Variants in DLGAP2 observed in about 807,000 individuals in gnomAD.
DLGAP2 encodes DLG associated protein 2, also known as disks large-associated protein 2.
A neutral mutation model predicts 100.3 loss-of-function variants in DLGAP2; 26 were observed. The observed-to-expected ratio is 0.26, with a 90% CI of 0.19 to 0.36. The LOEUF (loss-of-function observed/expected upper bound fraction) is 0.36. Ranked by LOEUF, DLGAP2 falls within the 10% of genes least tolerant of loss-of-function variation. The probability of loss-of-function intolerance (pLI) is 1.00; values close to 1 mark genes in which losing one functional copy is unlikely to be tolerated. For missense variants in DLGAP2, 1,858 were observed against 1,453.2 expected, an observed-to-expected ratio of 1.28 and a Z score of -4.53; for synonymous variants, 886 against 630.1, an observed-to-expected ratio of 1.41 and a Z score of -6.08.
At chr8:880,246 A>C (rs1402220574) in intron 1 of DLGAP2, among the ~76,000 whole-genome samples, 1 of 151,878 alleles carries the variant, frequency 6.6e-6, no homozygotes, top group Admixed American at 6.6e-5. Flanking sequence ...ACATCCTCCT[A>C]ATCAATTTCT....
intron 2 of DLGAP2, among the ~76,000 whole-genome samples, chr8:999,933 T>C (rs1289713579): frequency 6.6e-6 from 1 of 150,548 alleles, no homozygotes; most frequent in Non-Finnish European, 1.5e-5. Flanking sequence ...GAGGTGGTTT[T>C]CTTTTGCACT....
chr8:1,478,780 G>A (rs1393951853), intron 3 of DLGAP2, among the ~76,000 whole-genome samples: 1 of 152,214 alleles, frequency 6.6e-6, no homozygotes. Flanking sequence ...GCATGTTGCT[G>A]GGAATGCCGG....
At chr8:810,572 A>C (rs1455267856) in intron 1 of DLGAP2, among the ~76,000 whole-genome samples, 2 of 152,260 alleles carry the variant, frequency 1.3e-5, no homozygotes, top group Non-Finnish European at 2.9e-5. Context: ...TTTATGAGAC[A>C]TGCTGTGCTG....
chr8:1,131,609 AC>A (rs1386938022), intron 2 of DLGAP2, among the ~76,000 whole-genome samples: 1 of 151,932 alleles, frequency 6.6e-6, no homozygotes, highest in East Asian at 1.9e-4. Flanking sequence ...GGACACGAAC[AC>A]CTGCTCCATA....
intron 2 of DLGAP2, among the ~76,000 whole-genome samples, chr8:1,081,732 T>C (rs929437303): frequency 2.0e-5 from 3 of 152,182 alleles, no homozygotes; most frequent in Non-Finnish European, 1.5e-5. Flanking sequence ...GAGTCTTTCC[T>C]ATAGGCAGGG....
At chr8:1,378,823 C>G (rs185126263) in intron 3 of DLGAP2, among the ~76,000 whole-genome samples, 145 of 152,304 alleles carry the variant, frequency 9.5e-4, no homozygotes, top group African/African-American at 3.4e-3. Flanking sequence ...CTTTCAAATC[C>G]TGATTCTCTT....
Position 1,124,279 on chromosome 8 carries a change from G to T in DLGAP2, c.74-134572G>T, listed in dbSNP as rs1478983358. Among the ~76,000 whole-genome samples the T allele has an allele frequency of 2.6e-5, 4 of 152,214 alleles. No individual in the cohort carries two copies. In the South Asian group the frequency reaches 6.2e-4, roughly 24 times the overall value. ...GCTAAGGAACTCGCCAAAGAGAAGA[G>T]CCTGGAAGCGGCTCCAGGGTTTCTG... On this transcript the variant is annotated intron_variant, in intron 2 of 14. Transcript: ENST00000637795.
intron 1 of DLGAP2, among the ~76,000 whole-genome samples, chr8:823,043 G>A (rs1796612605): frequency 6.6e-6 from 1 of 152,048 alleles, no homozygotes; most frequent in Non-Finnish European, 1.5e-5. Flanking sequence ...CTGATGGAAA[G>A]GTCTAAATTT....
At chr8:903,070 A>G (rs1798295856) in intron 1 of DLGAP2, among the ~76,000 whole-genome samples, 1 of 150,876 alleles carries the variant, frequency 6.6e-6, no homozygotes, top group Admixed American at 6.6e-5. Context: ...GTTTGAGACC[A>G]GTGTTGTGGC....
chr8:1,695,006 G>T (rs1276901421), intron 13 of DLGAP2, among the ~76,000 whole-genome samples: 3 of 152,224 alleles, frequency 2.0e-5, no homozygotes, highest in African/African-American at 4.8e-5. Flanking sequence ...TGGTCTGGGT[G>T]AGCCCAAAGG....
intron 3 of DLGAP2, among the ~76,000 whole-genome samples, chr8:1,298,474 C>T (rs1397741261): frequency 1.3e-5 from 2 of 152,152 alleles, no homozygotes; most frequent in East Asian, 3.9e-4. Context: ...CATGGGGACA[C>T]ACAGGAGGGA....
At chr8:1,288,805 C>G (rs1799996227) in intron 3 of DLGAP2, among the ~76,000 whole-genome samples, 1 of 151,172 alleles carries the variant, frequency 6.6e-6, no homozygotes, top group Admixed American at 6.6e-5. Context: ...AGGAGGGGAA[C>G]TAGTTTCGGT....
chr8:1,549,613 C>T lies in DLGAP2; in HGVS notation c.1160C>T (p.Ser387Leu). 1.9e-6 allele frequency: 3 copies of T among 1,589,028 alleles called. No homozygotes were observed. Among genetic ancestry groups the T allele is most frequent in the Non-Finnish European group, 2.6e-6 (3 of 1,170,408 alleles). Residue 387 changes from serine to leucine, a missense_variant, in exon 5 of 15, where the codon TCG becomes TTG. Transcript: ENST00000637795. ...GCCAAGGAGGCCTACCGCAAGAGCT[C>T]GCTGAACCTGGACAAGCCGCTGCTG... ...SQAKEAYRKS[S>L]LNLDKPLLHQ...
intron 3 of DLGAP2, among the ~76,000 whole-genome samples, chr8:1,483,018 G>A (rs1327906886): frequency 2.0e-5 from 3 of 152,210 alleles, no homozygotes; most frequent in Non-Finnish European, 4.4e-5. Flanking sequence ...CTCCGGCACT[G>A]CCTCCTCCTT....
intron 4 of DLGAP2, among the ~76,000 whole-genome samples, chr8:1,535,720 G>A (rs1311358124): frequency 5.3e-5 from 8 of 152,256 alleles, no homozygotes; most frequent in Non-Finnish European, 1.0e-4. Context: ...CCCTGGTGTT[G>A]CAAGAGGAGG....
intron 2 of DLGAP2, among the ~76,000 whole-genome samples, chr8:1,083,245 G>A (rs991486063): frequency 6.6e-6 from 1 of 152,208 alleles, no homozygotes; most frequent in Non-Finnish European, 1.5e-5. Flanking sequence ...AGCAAGGGCA[G>A]GGCATCGTCT....
chr8:949,030 TGAG>T (rs542891659), intron 2 of DLGAP2, among the ~76,000 whole-genome samples: 1 of 145,894 alleles, frequency 6.9e-6, no homozygotes, highest in Admixed American at 6.7e-5. Context: ...GCCGCCATCT[TGAG>T]GGGACGCCAG....
At chr8:1,412,170 A>T (rs772158962) in intron 3 of DLGAP2, among the ~76,000 whole-genome samples, 1 of 152,072 alleles carries the variant, frequency 6.6e-6, no homozygotes, top group Non-Finnish European at 1.5e-5. Context: ...CTCCAGTGCT[A>T]TGGCTCCCAC....
intron 2 of DLGAP2, among the ~76,000 whole-genome samples, chr8:967,846 A>G (rs1452900835): frequency 1.4e-5 from 1 of 71,802 alleles, no homozygotes; most frequent in Non-Finnish European, 2.7e-5. Context: ...ATATATATAT[A>G]TATATATATA....
Sources: allele counts gnomAD v4.1 joint callset (sites outside exome capture counted in the v4.1 genomes callset), GRCh38; gene constraint gnomAD v4.1.1; transcripts MANE v1.5; gene names NCBI Gene and HGNC (gene_info 2026-07-23, HGNC 2026-07-21).